Variants in ADGRL3 observed in about 807,000 individuals in gnomAD.
ADGRL3 encodes adhesion G protein-coupled receptor L3.
In ADGRL3, 62 loss-of-function variants were observed where a neutral mutation model predicts 153.5. The observed-to-expected ratio is 0.40, with a 90% CI of 0.33 to 0.50. The LOEUF (loss-of-function observed/expected upper bound fraction) is 0.50, where lower values mean the gene tolerates loss of function less well. Among genes scored for constraint, ADGRL3 ranks in the 20% least tolerant of loss-of-function variants. ADGRL3 has a pLI of 0.47. For synonymous variants in ADGRL3, 710 were observed against 672.5 expected (o/e 1.06, Z -0.86); for missense variants, 1,641 against 1,859.4 (o/e 0.88, Z 2.16).
At chr4:61,704,665 G>T (rs1042090096) in intron 6 of ADGRL3, among the ~76,000 whole-genome samples, 3 of 152,162 alleles carry the variant, frequency 2.0e-5, no homozygotes, top group Non-Finnish European at 4.4e-5. Flanking sequence ...TCTGTATCAT[G>T]ACAGGCTTTT....
chr4:61,242,995 G>GTGCC (rs1277028860), intron 1 of ADGRL3, among the ~76,000 whole-genome samples: 1 of 152,054 alleles, frequency 6.6e-6, no homozygotes, highest in African/African-American at 2.4e-5. Context: ...AATAGGGCAA[G>GTGCC]TGCCATAAGC....
intron 5 of ADGRL3, among the ~76,000 whole-genome samples, chr4:61,636,266 T>A (rs186234051): frequency 1.3e-5 from 2 of 152,242 alleles, no homozygotes; most frequent in African/African-American, 4.8e-5. Flanking sequence ...GAAAATATAA[T>A]CCTTTGCCAA....
At chr4:61,605,244 G>A (rs1184908935) in intron 5 of ADGRL3, among the ~76,000 whole-genome samples, 8 of 151,942 alleles carry the variant, frequency 5.3e-5, no homozygotes, top group Non-Finnish European at 1.0e-4. Flanking sequence ...TGCGTTTTGA[G>A]GAAGCCTTTA....
intron 8 of ADGRL3, among the ~76,000 whole-genome samples, chr4:61,769,250 ATGTCTCTTT>A (rs1437268850): frequency 6.6e-6 from 1 of 152,112 alleles, no homozygotes; most frequent in African/African-American, 2.4e-5. Context: ...CGGATAAAAC[ATGTCTCTTT>A]TGTCTCTACC....
chr4:61,618,807 C>T (rs778008288), intron 5 of ADGRL3, among the ~76,000 whole-genome samples: 8 of 152,268 alleles, frequency 5.3e-5, no homozygotes, highest in Non-Finnish European at 1.0e-4. Flanking sequence ...ACCTCAACCT[C>T]CCTGGGTCAA....
chr4:61,351,024 G>A lies in ADGRL3; in HGVS notation c.-239-32100G>A, dbSNP rs186870179. Among the ~76,000 whole-genome samples, 5 of 152,286 alleles carry A rather than the reference G, an allele frequency of 3.3e-5. No homozygotes were observed. The East Asian group carries it at 9.6e-4, about 29-fold the overall frequency. On this transcript the variant is annotated intron_variant, in intron 1 of 26. Transcript: ENST00000683033. ...AGACAGGCTGAAAGCTAGGACTTTT[G>A]TCCCAGTTGGTCAGCTTTTGAATAC...
chr4:62,004,740 G>A (rs139483221), intron 21 of ADGRL3, among the ~76,000 whole-genome samples: 6 of 151,958 alleles, frequency 3.9e-5, no homozygotes, highest in African/African-American at 9.7e-5. Context: ...AAAATCAAAT[G>A]TACTTCTCCA....
chr4:62,051,739 T>C (rs1039214576), intron 25 of ADGRL3, among the ~76,000 whole-genome samples: 1 of 151,776 alleles, frequency 6.6e-6, no homozygotes, highest in Admixed American at 6.6e-5. Flanking sequence ...TATTACGTTA[T>C]TACCTCACAT....
At chr4:62,055,760 T>C (rs1302064940) in intron 25 of ADGRL3, among the ~76,000 whole-genome samples, 2 of 151,776 alleles carry the variant, frequency 1.3e-5, no homozygotes, top group Non-Finnish European at 3.0e-5. Flanking sequence ...TCATTGTTTG[T>C]ACTTTCTGTA....
At chr4:61,405,002 T>TA (rs1451681010) in intron 2 of ADGRL3, among the ~76,000 whole-genome samples, 1 of 152,048 alleles carries the variant, frequency 6.6e-6, no homozygotes, top group African/African-American at 2.4e-5. Context: ...TAACTATGCT[T>TA]ACATGGGACT....
chr4:61,705,842 G>A (rs564476006), intron 6 of ADGRL3, among the ~76,000 whole-genome samples: 2 of 152,208 alleles, frequency 1.3e-5, no homozygotes, highest in Admixed American at 6.5e-5. Context: ...TTTCTGAGCA[G>A]GTCTCAAAAG....
chr4:61,207,603 A>G (rs781728118), intron 1 of ADGRL3, among the ~76,000 whole-genome samples: 2 of 152,170 alleles, frequency 1.3e-5, no homozygotes, highest in Non-Finnish European at 1.5e-5. Flanking sequence ...TGCTAGTTGT[A>G]GATCCTTGAG....
intron 1 of ADGRL3, among the ~76,000 whole-genome samples, chr4:61,263,303 T>C (rs2092655931): frequency 6.6e-6 from 1 of 151,866 alleles, no homozygotes; most frequent in African/African-American, 2.4e-5. Flanking sequence ...AAAAACCTAA[T>C]TTTCCCAGAA....
intron 1 of ADGRL3, among the ~76,000 whole-genome samples, chr4:61,337,108 T>G (rs1176581730): frequency 6.6e-6 from 1 of 152,116 alleles, no homozygotes; most frequent in Non-Finnish European, 1.5e-5. Context: ...TGATTATTCC[T>G]GGCATGTGCT....
At chr4:61,361,781 A>G (rs551631967) in intron 1 of ADGRL3, among the ~76,000 whole-genome samples, 1 of 152,218 alleles carries the variant, frequency 6.6e-6, no homozygotes, top group South Asian at 2.1e-4. Flanking sequence ...ATTTTTGTCA[A>G]TTAATATTAG....
rs1409795973 is a variant in ADGRL3 at position 62,077,381 on chromosome 4, CT to C, written c.*6475del. 1 of 151,920 alleles carries C rather than the reference CT, an allele frequency of 6.6e-6. No homozygotes were observed. Among genetic ancestry groups the C allele is most frequent in the East Asian group, 1.9e-4 (1 of 5,178 alleles). 9.4% of individuals were successfully genotyped at this position (151,920 alleles called of 1,614,324 possible). Reference sequence around the variant, plus strand: ...TCAATGATCCAAGACTACAAAATTTCTTGCTACATTGGCAAGGAAATATGTT... The same window carrying C: ...TCAATGATCCAAGACTACAAAATTTCTGCTACATTGGCAAGGAAATATGTT... On this transcript the variant is annotated 3_prime_UTR_variant, in exon 27 of 27. Coordinates refer to ENST00000683033, the MANE Select transcript of ADGRL3 (RefSeq NM_001387552.1).
intron 2 of ADGRL3, among the ~76,000 whole-genome samples, chr4:61,394,559 C>A (rs1480281067): frequency 6.6e-6 from 1 of 152,000 alleles, no homozygotes; most frequent in African/African-American, 2.4e-5. Context: ...TAAAACATTA[C>A]AAATTTACAC....
At chr4:61,739,307 CT>C (rs33939282) in intron 8 of ADGRL3, among the ~76,000 whole-genome samples, 8,254 of 146,224 alleles carry the variant, frequency 0.056, 355 homozygotes, top group African/African-American at 0.12. Context: ...CTACAAATTA[CT>C]TTTTTTTTTT....
At chr4:61,225,704 C>A (rs1747628304) in intron 1 of ADGRL3, among the ~76,000 whole-genome samples, 1 of 152,130 alleles carries the variant, frequency 6.6e-6, no homozygotes, top group African/African-American at 2.4e-5. Context: ...CTTCCTTCTG[C>A]TCTTTCAGTG....
Sources: allele counts gnomAD v4.1 joint callset (sites outside exome capture counted in the v4.1 genomes callset), GRCh38; gene constraint gnomAD v4.1.1; transcripts MANE v1.5; gene names NCBI Gene and HGNC (gene_info 2026-07-23, HGNC 2026-07-21).